FLNB: variants seen among roughly 807,000 people sequenced by gnomAD.
FLNB encodes the protein filamin B.
In FLNB, 111 loss-of-function variants were observed where a neutral mutation model predicts 250.6. The ratio of observed to expected loss-of-function variants is 0.44; its 90% CI spans 0.38 to 0.52. The LOEUF (loss-of-function observed/expected upper bound fraction) is 0.52, where lower values mean the gene tolerates loss of function less well. Ranked by LOEUF, FLNB falls within the 20% of genes least tolerant of loss-of-function variation. FLNB has a pLI of 0.00. For missense variants in FLNB, 2,869 were observed against 3,447.8 expected (o/e 0.83, Z 4.20); for synonymous variants, 1,302 against 1,372.1 (o/e 0.95, Z 1.13).
chr3:58,101,278 C>G (rs574178793), intron 8 of FLNB, among the ~76,000 whole-genome samples: 1 of 152,200 alleles, frequency 6.6e-6, no homozygotes, highest in Admixed American at 6.5e-5. Context: ...CTGTGACCTT[C>G]CTGTATAGAG....
At position 58,097,944 on chromosome 3, in the gene FLNB, A is replaced by G. The variant is rs2097241976; in HGVS notation, c.1114A>G (p.Asn372Asp). The G allele has an allele frequency of 3.1e-6, 5 of 1,614,024 alleles. No individual in the cohort carries two copies. The African/African-American group carries it at 5.3e-5, about 17-fold the overall frequency. The part of the protein sequence containing the change: ...PGLEAVGNIA[N>D]KPTYFDIYTA... Reference sequence around the variant, plus strand: ...GTTGGAAGCTGTAGGGAACATCGCCAATAAGCCCACCTACTTTGACATCTA... The same window carrying G: ...GTTGGAAGCTGTAGGGAACATCGCCGATAAGCCCACCTACTTTGACATCTA... The change falls in exon 7 of 46, where the codon AAT (asparagine) becomes GAT (aspartate). Residue 372 changes from asparagine to aspartate, a missense_variant. By Grantham distance (23) the Asn-to-Asp change is conservative. Coordinates refer to ENST00000295956, the MANE Select transcript of FLNB (RefSeq NM_001457.4).
intron 1 of FLNB, among the ~76,000 whole-genome samples, chr3:58,070,684 G>A (rs1452254406): frequency 1.4e-5 from 2 of 147,900 alleles, no homozygotes; most frequent in African/African-American, 2.5e-5. Flanking sequence ...TTTTGAAACG[G>A]AGTCTCACTC....
At chr3:58,076,023 G>A (rs1200622117) in intron 1 of FLNB, among the ~76,000 whole-genome samples, 1 of 152,148 alleles carries the variant, frequency 6.6e-6, no homozygotes. Flanking sequence ...GTTAAGCAAG[G>A]AAAGGACTAG....
Position 58,126,751 on chromosome 3 carries a change from C to A in FLNB, c.4211C>A (p.Ala1404Asp). ...GATGTTAATATCACATATGGAGGAG[C>A]CCACATCCCCGGTGAGCTATTCCTC... The part of the protein sequence containing the change: ...DYDVNITYGG[A>D]HIPGSPFRVP... The change falls in exon 24 of 46, where the codon GCC (alanine) becomes GAC (aspartate). Residue 1404 changes from alanine (A) to aspartate (D), a missense_variant. Physicochemically the swap from Ala to Asp is moderately radical, Grantham distance 126. Transcript: ENST00000295956. The A allele has an allele frequency of 6.2e-7, 1 of 1,613,540 alleles. No individual in the cohort carries two copies. The highest frequency in any genetic ancestry group is 8.5e-7 in the Non-Finnish European group (1 of 1,179,586).
At chr3:58,051,158 G>A (rs936500745) in intron 1 of FLNB, among the ~76,000 whole-genome samples, 4 of 152,238 alleles carry the variant, frequency 2.6e-5, no homozygotes, top group African/African-American at 7.2e-5. Flanking sequence ...CCTCTCCAGT[G>A]AGTGATGGGC....
chr3:58,095,994 T>C (rs2097237829), intron 5 of FLNB, 147 bp from the exon 6 acceptor site: 1 of 696,138 alleles, frequency 1.4e-6, no homozygotes, highest in African/African-American at 1.7e-5. Flanking sequence ...GCAGTTTCTC[T>C]CTAGGGGCGT....
rs188477788 is a variant in FLNB, at chr3:58,090,668, T to C, written c.788-4168T>C. ...TATTTTTGACTGAAACTTCATTATT[T>C]AGCAAATGACTATATTAGCAAATAA... On this transcript the variant is annotated intron_variant, in intron 4 of 45. Coordinates refer to ENST00000295956, the MANE Select transcript of FLNB (RefSeq NM_001457.4). Among the ~76,000 whole-genome samples, 13 of 152,338 alleles carry C rather than the reference T, an allele frequency of 8.5e-5. No homozygotes were observed. In the East Asian group the frequency reaches 2.5e-3, roughly 29 times the overall value.
chr3:58,109,821 A>C, intron 15 of FLNB, 122 bp downstream of exon 15: 1 of 1,430,752 alleles, frequency 7.0e-7, no homozygotes, highest in Non-Finnish European at 9.8e-7. Flanking sequence ...TCATCTACTG[A>C]GCCTCTGAGT....
chr3:58,041,244 A>G (rs994138525), intron 1 of FLNB, among the ~76,000 whole-genome samples: 2 of 152,216 alleles, frequency 1.3e-5, no homozygotes, highest in African/African-American at 2.4e-5. Flanking sequence ...TCACTTTATG[A>G]TATTACAATG....
chr3:58,130,093 G>A (rs544482002), intron 24 of FLNB, among the ~76,000 whole-genome samples: 10 of 152,192 alleles, frequency 6.6e-5, no homozygotes, highest in Non-Finnish European at 1.5e-4. Context: ...CCGAGTGACC[G>A]AGAAGGCTGA....
chr3:58,144,260 T>C (rs960489674), intron 32 of FLNB, among the ~76,000 whole-genome samples: 2 of 152,098 alleles, frequency 1.3e-5, no homozygotes, highest in Non-Finnish European at 2.9e-5. Flanking sequence ...AGGGTTTTAT[T>C]TTTTATTTTT....
intron 1 of FLNB, among the ~76,000 whole-genome samples, chr3:58,023,128 T>TC: frequency 6.7e-6 from 1 of 148,692 alleles, no homozygotes; most frequent in Non-Finnish European, 1.5e-5. Flanking sequence ...TTTTTTTTTT[T>TC]TGAAATGATG....
chr3:58,149,660 A>T, intron 36 of FLNB, 190 bp from the exon 37 acceptor site: 1 of 649,730 alleles, frequency 1.5e-6, no homozygotes, highest in Non-Finnish European at 2.7e-6. Context: ...AGGTTATTTC[A>T]CTATGGGGCT....
At chr3:58,109,481 T>C in intron 14 of FLNB, 95 bp from the exon 15 acceptor site, 1 of 1,607,378 alleles carries the variant, frequency 6.2e-7, no homozygotes, top group Non-Finnish European at 8.5e-7. Context: ...TGCTCCAGCC[T>C]GCTCAGAAGA....
At position 58,044,498 on chromosome 3, in the gene FLNB, A is replaced by G. The variant is rs891466971; in HGVS notation, c.293-32548A>G. Among the ~76,000 whole-genome samples, 6 of 152,052 alleles carry G rather than the reference A, an allele frequency of 3.9e-5. No homozygotes were observed. The East Asian group carries it at 1.2e-3, about 29-fold the overall frequency. On this transcript the variant is annotated intron_variant, in intron 1 of 45. Coordinates refer to ENST00000295956, the MANE Select transcript of FLNB (RefSeq NM_001457.4). ...CAATTAGCCAGGCATGATGGCGCAC[A>G]CCAGTAGTCCCAGCTACTCAGGAGG...
rs149454173 is a variant in FLNB, at chr3:58,071,568, C to T, written c.293-5478C>T. Among the ~76,000 whole-genome samples the T allele has an allele frequency of 1.0e-3, 154 of 152,294 alleles. 1 individual carries two copies. The highest frequency in any genetic ancestry group is 3.1e-3 in the African/African-American group (129 of 41,552). On this transcript the variant is annotated intron_variant, in intron 1 of 45. Coordinates refer to ENST00000295956, the MANE Select transcript of FLNB (RefSeq NM_001457.4). Reference sequence around the variant, plus strand: ...TGTTGAGATTATAGGTGTGAGCCACCATGCCTGGCCTCTCCTTGATTCTTA... The same window carrying T: ...TGTTGAGATTATAGGTGTGAGCCACTATGCCTGGCCTCTCCTTGATTCTTA...
intron 1 of FLNB, among the ~76,000 whole-genome samples, chr3:58,015,929 C>A (rs910016309): frequency 3.3e-5 from 5 of 151,910 alleles, no homozygotes; most frequent in Non-Finnish European, 7.4e-5. Context: ...CAGGAGCAGA[C>A]GAGTGTGTCA....
chr3:58,161,120 C>T (rs2097360914), intron 42 of FLNB, among the ~76,000 whole-genome samples: 1 of 152,110 alleles, frequency 6.6e-6, no homozygotes, highest in Admixed American at 6.6e-5. Context: ...TCTGAAAGGC[C>T]AAGTGGCAAG....
At chr3:58,075,965 G>A (rs2097201117) in intron 1 of FLNB, among the ~76,000 whole-genome samples, 1 of 152,120 alleles carries the variant, frequency 6.6e-6, no homozygotes, top group Non-Finnish European at 1.5e-5. Flanking sequence ...ACAAATGGCA[G>A]TGAGACTCCT....
Sources: gnomAD v4.1 joint callset for allele counts (sites outside exome capture counted in the v4.1 genomes callset) on GRCh38, gnomAD v4.1.1 for gene constraint, MANE v1.5 for transcripts, NCBI Gene and HGNC (gene_info 2026-07-23, HGNC 2026-07-21) for gene names.